PTPRN2: variants seen among roughly 807,000 people sequenced by gnomAD.
PTPRN2 encodes the protein receptor-type tyrosine-protein phosphatase N2.
A neutral mutation model predicts 118.8 loss-of-function variants in PTPRN2; 74 were observed. The ratio of observed to expected loss-of-function variants is 0.62; its 90% CI spans 0.52 to 0.76. PTPRN2 has a LOEUF of 0.76. Among genes scored for constraint, PTPRN2 ranks in the 30% least tolerant of loss-of-function variants. The pLI is 0.00. For synonymous variants in PTPRN2, 641 were observed against 608.0 expected, an observed-to-expected ratio of 1.05 and a Z score of -0.80; for missense variants, 1,481 against 1,394.4, an observed-to-expected ratio of 1.06 and a Z score of -0.99.
chr7:158,090,271 G>C (rs976872916), intron 10 of PTPRN2, among the ~76,000 whole-genome samples: 4 of 152,166 alleles, frequency 2.6e-5, no homozygotes, highest in Admixed American at 1.3e-4. Context: ...GTTCACATGG[G>C]TCCTATGAAG....
intron 3 of PTPRN2, among the ~76,000 whole-genome samples, chr7:158,245,281 T>C (rs993607436): frequency 6.0e-5 from 9 of 150,758 alleles, no homozygotes; most frequent in Admixed American, 6.6e-5. Context: ...CCGGAACCCA[T>C]GGCCATGCCA....
At chr7:158,223,886 C>T (rs1253090420) in intron 3 of PTPRN2, among the ~76,000 whole-genome samples, 1 of 152,024 alleles carries the variant, frequency 6.6e-6, no homozygotes, top group African/African-American at 2.4e-5. Flanking sequence ...TACCTATGTC[C>T]TATTTCCTGA....
At chr7:158,160,510 A>G (rs73173647) in intron 6 of PTPRN2, among the ~76,000 whole-genome samples, 39,359 of 152,092 alleles carry the variant, frequency 0.26, 7,094 homozygotes, top group African/African-American at 0.52. Flanking sequence ...ATGCAAAAAC[A>G]CTGCAACTTC....
intron 6 of PTPRN2, among the ~76,000 whole-genome samples, chr7:158,146,421 A>G (rs1585611995): frequency 6.6e-6 from 1 of 152,240 alleles, no homozygotes; most frequent in South Asian, 2.1e-4. Context: ...GGGAACAAAC[A>G]TTATTCTAAG....
At chr7:158,050,626 C>CG in intron 11 of PTPRN2, among the ~76,000 whole-genome samples, 1 of 152,306 alleles carries the variant, frequency 6.6e-6, no homozygotes, top group South Asian at 2.1e-4. Flanking sequence ...GAGCACAGCT[C>CG]GGGCCCCGCT....
At chr7:157,624,421 C>CAA (rs60314148) in intron 14 of PTPRN2, among the ~76,000 whole-genome samples, 1 of 137,448 alleles carries the variant, frequency 7.3e-6, no homozygotes, top group African/African-American at 2.7e-5. Flanking sequence ...AACTCCGTCT[C>CAA]AAAAAAAAAA....
At chr7:157,731,112 T>C (rs985184709) in intron 12 of PTPRN2, among the ~76,000 whole-genome samples, 1 of 152,068 alleles carries the variant, frequency 6.6e-6, no homozygotes, top group African/African-American at 2.4e-5. Context: ...GCAGGCTCCT[T>C]TACGACTTCA....
intron 6 of PTPRN2, among the ~76,000 whole-genome samples, chr7:158,140,465 C>T (rs1382066925): frequency 6.6e-6 from 1 of 152,186 alleles, no homozygotes; most frequent in Non-Finnish European, 1.5e-5. Flanking sequence ...GTCCATGTGC[C>T]CGGCAGCAGG....
At position 157,861,353 on chromosome 7, in the gene PTPRN2, A is replaced by G. The variant is rs1025810639; in HGVS notation, c.1788+37320T>C. Among the ~76,000 whole-genome samples the G allele has an allele frequency of 4.6e-5, 7 of 152,150 alleles. No homozygotes were observed. The highest frequency in any genetic ancestry group is 1.7e-4 in the African/African-American group (7 of 41,450). On this transcript the variant is annotated intron_variant, in intron 12 of 22. Transcript: ENST00000389418. This position sits in a 1 kb window ranked among gnomAD's most constrained non-coding sequence, Gnocchi z 5.8. ...ACCTCCGGCTGGAGCTCGGCCAAGG[A>G]GCCCGGGTCCCTTCAGTCTGCGCTC...
At chr7:157,646,198 T>C (rs1805059389) in intron 14 of PTPRN2, among the ~76,000 whole-genome samples, 1 of 152,198 alleles carries the variant, frequency 6.6e-6, no homozygotes, top group Non-Finnish European at 1.5e-5. Context: ...TGTTGAAATG[T>C]AGCCCCAGGG....
At chr7:157,541,995 A>G (rs1354546946) in intron 22 of PTPRN2, among the ~76,000 whole-genome samples, 2 of 152,158 alleles carry the variant, frequency 1.3e-5, no homozygotes, top group African/African-American at 4.8e-5. Flanking sequence ...TTATTAAAGG[A>G]GTCAACTGAG....
At chr7:158,387,786 C>A (rs971757115) in intron 2 of PTPRN2, among the ~76,000 whole-genome samples, 3 of 152,144 alleles carry the variant, frequency 2.0e-5, no homozygotes, top group African/African-American at 4.8e-5. Flanking sequence ...ACATGAAGAG[C>A]TGTCAAAGTC....
intron 12 of PTPRN2, among the ~76,000 whole-genome samples, chr7:157,832,870 T>C (rs1807659295): frequency 6.6e-6 from 1 of 152,248 alleles, no homozygotes; most frequent in South Asian, 2.1e-4. Flanking sequence ...GTGGGAAAAG[T>C]TACCAAACCA....
At chr7:158,321,958 G>T (rs185614961) in intron 2 of PTPRN2, among the ~76,000 whole-genome samples, 7 of 152,164 alleles carry the variant, frequency 4.6e-5, no homozygotes, top group African/African-American at 1.7e-4. Context: ...GACACTGCCC[G>T]TGCCTCTGCG....
At chr7:158,276,255 C>A (rs1798966845) in intron 3 of PTPRN2, among the ~76,000 whole-genome samples, 1 of 23,602 alleles carries the variant, frequency 4.2e-5, no homozygotes, top group African/African-American at 9.0e-5. Flanking sequence ...CCTGGTAGCA[C>A]CCCCACACTC....
intron 1 of PTPRN2, among the ~76,000 whole-genome samples, chr7:158,501,281 C>T (rs549312752): frequency 4.6e-5 from 7 of 152,314 alleles, no homozygotes; most frequent in Non-Finnish European, 8.8e-5. Context: ...ACCCTCTCCC[C>T]GCCCGGGGCT....
chr7:157,835,060 T>G (rs1014483249), intron 12 of PTPRN2, among the ~76,000 whole-genome samples: 1 of 152,102 alleles, frequency 6.6e-6, no homozygotes, highest in African/African-American at 2.4e-5. Flanking sequence ...TCTCTTCCTT[T>G]GAGAATGAGT....
At chr7:158,047,665 C>T (rs1808986608) in intron 11 of PTPRN2, among the ~76,000 whole-genome samples, 1 of 152,226 alleles carries the variant, frequency 6.6e-6, no homozygotes, top group South Asian at 2.1e-4. Flanking sequence ...GGAGGCACGG[C>T]ACATCTGGCG....
At chr7:158,441,645 A>AGTG (rs1817261928) in intron 2 of PTPRN2, among the ~76,000 whole-genome samples, 1 of 120,504 alleles carries the variant, frequency 8.3e-6, no homozygotes, top group African/African-American at 3.4e-5. Context: ...TGGTGATGGC[A>AGTG]ATGGTGGTGA....
Sources: gnomAD v4.1 joint callset for allele counts (sites outside exome capture counted in the v4.1 genomes callset) on GRCh38, gnomAD v4.1.1 for gene constraint, Gnocchi (gnomAD v3.1) non-coding constraint, MANE v1.5 for transcripts, NCBI Gene and HGNC (gene_info 2026-07-23, HGNC 2026-07-21) for gene names.